AGK: variants seen among roughly 807,000 people sequenced by gnomAD.
AGK encodes the protein acylglycerol kinase.
AGK carries 52 observed loss-of-function variants against 66.4 expected under a neutral mutation model. The ratio of observed to expected loss-of-function variants is 0.78; its 90% CI spans 0.63 to 0.99. The LOEUF is 0.99. Ranked by LOEUF, AGK falls within the 50% of genes least tolerant of loss-of-function variation. AGK has a pLI of 0.00. For synonymous variants in AGK, 182 were observed against 181.1 expected (o/e 1.00, Z -0.04); for missense variants, 451 against 506.6 (o/e 0.89, Z 1.05).
rs142235678 is a variant in AGK at position 141,653,242 on chromosome 7, AC to A, written c.*319del. ...AAAGTGCAACCACAGTGGAGAGCCC[AC>A]GGTGGGCTTAGCCTGCCTAGGCCCT... is the stretch of plus-strand genomic sequence containing the variant. On this transcript the variant is annotated 3_prime_UTR_variant, in exon 16 of 16. Coordinates refer to ENST00000649286, the MANE Select transcript of AGK (RefSeq NM_018238.4). The A allele has an allele frequency of 3.4e-3, 929 of 273,562 alleles. 5 individuals are homozygous for A. The highest frequency in any genetic ancestry group is 5.1e-3 in the Non-Finnish European group (702 of 137,952). 16.9% of individuals were successfully genotyped at this position (273,562 alleles called of 1,614,324 possible).
chr7:141,653,013 G>T lies in AGK; in HGVS notation c.*89G>T. ...GTGCCTCAGCCATCCCAACAGTGTC[G>T]TCAGAGGGTCCCCAGGGCATTTTCA... On this transcript the variant is annotated 3_prime_UTR_variant, in exon 16 of 16. Coordinates refer to ENST00000649286, the MANE Select transcript of AGK (RefSeq NM_018238.4). 1 of 1,522,992 alleles carries T rather than the reference G, an allele frequency of 6.6e-7. No individual in the cohort carries two copies. The highest frequency in any genetic ancestry group is 1.2e-5 in the South Asian group (1 of 83,868). 94.3% of individuals were successfully genotyped at this position (1,522,992 alleles called of 1,614,324 possible).
At chr7:141,567,034 T>C (rs1429810050) in intron 2 of AGK, among the ~76,000 whole-genome samples, 2 of 152,148 alleles carry the variant, frequency 1.3e-5, no homozygotes, top group African/African-American at 2.4e-5. Context: ...GCCTCTTAGT[T>C]GTTAAATTAA....
At chr7:141,650,636 AG>A in intron 14 of AGK, 1 of 985,486 alleles carries the variant, frequency 1.0e-6, no homozygotes, top group Non-Finnish European at 1.2e-6. Context: ...ACTGCCTAAA[AG>A]ATACATCTGC....
At position 141,623,437 on chromosome 7, in the gene AGK, G is replaced by A. The variant is rs1304293714; in HGVS notation, c.588+1636G>A. ...AAAAAAAAGAAAGTGAAGCAGCCAT[G>A]TTGCTGATAGGGAGAAAGTTTTTGT... On this transcript the variant is annotated intron_variant, in intron 9 of 15. Coordinates refer to ENST00000649286, the MANE Select transcript of AGK (RefSeq NM_018238.4). Among the ~76,000 whole-genome samples the A allele has an allele frequency of 2.0e-5, 3 of 150,010 alleles. No individual in the cohort carries two copies. In the East Asian group the frequency reaches 5.9e-4, roughly 29 times the overall value.
chr7:141,566,021 C>T (rs895773566), intron 2 of AGK, among the ~76,000 whole-genome samples: 2 of 152,232 alleles, frequency 1.3e-5, no homozygotes, highest in Non-Finnish European at 2.9e-5. Flanking sequence ...TACTTTAACA[C>T]GTGGACCTTT....
Position 141,641,283 on chromosome 7 carries a change from C to T in AGK, c.762C>T (p.Tyr254=), listed in dbSNP as rs765177127. Residue 254 remains tyrosine (Y), a synonymous_variant, in exon 12 of 16, where the codon TAC becomes TAT. Coordinates refer to ENST00000649286, the MANE Select transcript of AGK (RefSeq NM_018238.4). ...WPQTHQASIS[Y]TGPTERPPNE... is the part of the protein sequence containing the mutation. ...AGACTCATCAAGCCTCTATCTCATACACGGGACCTACAGAGAGACCTCCCA... is the reference window on the plus strand; with the variant it reads ...AGACTCATCAAGCCTCTATCTCATATACGGGACCTACAGAGAGACCTCCCA... The T allele has an allele frequency of 6.2e-7, 1 of 1,613,954 alleles. No homozygotes were observed. Among genetic ancestry groups the T allele is most frequent in the Non-Finnish European group, 8.5e-7 (1 of 1,179,914 alleles).
intron 1 of AGK, among the ~76,000 whole-genome samples, chr7:141,553,118 G>A (rs1795134021): frequency 6.6e-6 from 1 of 152,170 alleles, no homozygotes. Context: ...AGTGCATGGT[G>A]ATAGCTCTCT....
chr7:141,606,210 T>C (rs1796457469), intron 5 of AGK, among the ~76,000 whole-genome samples: 1 of 152,244 alleles, frequency 6.6e-6, no homozygotes, highest in African/African-American at 2.4e-5. Flanking sequence ...ACAAGCCTAA[T>C]CTTTCTTCCG....
intron 13 of AGK, among the ~76,000 whole-genome samples, chr7:141,642,469 C>T (rs1268499950): frequency 6.6e-6 from 1 of 152,176 alleles, no homozygotes; most frequent in Non-Finnish European, 1.5e-5. Context: ...AAGTCACACT[C>T]ACCACATTTC....
intron 14 of AGK, chr7:141,650,419 T>C (rs572254567): frequency 1.3e-6 from 1 of 763,304 alleles, no homozygotes; most frequent in East Asian, 1.3e-4. Flanking sequence ...GCGAAGCCAC[T>C]ATGTTCTGCA....
Position 141,611,262 on chromosome 7 carries a change from CAGG to C in AGK, c.371_373del (p.Gly124del). ...GAAAACACGGATGTGATCATTGTTG[CAGG>C]AGGAGATGGGACACTGCAGGAGGTA... is the stretch of plus-strand genomic sequence containing the variant. On this transcript the variant is annotated inframe_deletion, in exon 6 of 16. Transcript: ENST00000649286. 4 of 1,613,216 alleles carry C rather than the reference CAGG, an allele frequency of 2.5e-6. No individual in the cohort carries two copies. The highest frequency in any genetic ancestry group is 2.5e-6 in the Non-Finnish European group (3 of 1,179,478).
rs959266671 is a variant in AGK, at chr7:141,555,353, G to A, written c.-14-100G>A. On this transcript the variant is annotated intron_variant, in intron 1 of 15. Coordinates refer to ENST00000649286, the MANE Select transcript of AGK (RefSeq NM_018238.4). This position sits in a 1 kb window ranked among gnomAD's most constrained non-coding sequence, Gnocchi z 4.2. ...AGAGGAGTGAGTGGGAAAAAAAGGAGTGAGAGAGGATAAAAGAATGGAAGA... is the reference window on the plus strand; with the variant it reads ...AGAGGAGTGAGTGGGAAAAAAAGGAATGAGAGAGGATAAAAGAATGGAAGA... The A allele has an allele frequency of 1.9e-5, 14 of 741,932 alleles. No individual in the cohort carries two copies. The highest frequency in any genetic ancestry group is 3.0e-5 in the East Asian group (1 of 33,668). The allele number at this position is 741,932 out of a possible 1,614,324, so 46.0% of individuals were successfully genotyped here.
intron 2 of AGK, among the ~76,000 whole-genome samples, chr7:141,579,174 G>C (rs1213328169): frequency 6.6e-6 from 1 of 152,038 alleles, no homozygotes; most frequent in African/African-American, 2.4e-5. Context: ...AGCATTCCAA[G>C]GACAGGCCCG....
At chr7:141,609,681 C>T (rs370689659) in intron 5 of AGK, among the ~76,000 whole-genome samples, 21 of 152,334 alleles carry the variant, frequency 1.4e-4, no homozygotes, top group Middle Eastern at 3.4e-3. Flanking sequence ...AACTCAATCT[C>T]AGGCCCCTCG....
intron 9 of AGK, among the ~76,000 whole-genome samples, chr7:141,632,255 C>G (rs1444616630): frequency 1.3e-5 from 2 of 151,474 alleles, no homozygotes; most frequent in African/African-American, 4.8e-5. Context: ...CAAAAAAAAC[C>G]CACAAAATTT....
At chr7:141,627,913 ACT>A (rs1222463214) in intron 9 of AGK, among the ~76,000 whole-genome samples, 1 of 152,076 alleles carries the variant, frequency 6.6e-6, no homozygotes, top group African/African-American at 2.4e-5. Flanking sequence ...ACGGAGTCTC[ACT>A]CTGTCACCCA....
intron 10 of AGK, among the ~76,000 whole-genome samples, chr7:141,635,285 T>C (rs1797146503): frequency 6.6e-6 from 1 of 152,082 alleles, no homozygotes; most frequent in Non-Finnish European, 1.5e-5. Flanking sequence ...AAGAAAGAAA[T>C]GGTAGAGATA....
chr7:141,559,570 C>T (rs1469143781), intron 2 of AGK, among the ~76,000 whole-genome samples: 2 of 151,866 alleles, frequency 1.3e-5, no homozygotes, highest in African/African-American at 4.8e-5. Context: ...TGTTCTTTTT[C>T]AAGATTGTTT....
intron 2 of AGK, among the ~76,000 whole-genome samples, chr7:141,576,446 G>A (rs1338722038): frequency 6.6e-6 from 1 of 151,570 alleles, no homozygotes; most frequent in Non-Finnish European, 1.5e-5. Flanking sequence ...GGCAGGGTGA[G>A]TAGTTTGGCA....
Sources: allele counts gnomAD v4.1 joint callset (sites outside exome capture counted in the v4.1 genomes callset), GRCh38; gene constraint gnomAD v4.1.1; non-coding constraint Gnocchi (gnomAD v3.1); transcripts MANE v1.5; gene names NCBI Gene and HGNC (gene_info 2026-07-23, HGNC 2026-07-21).